PRKD3: variants seen among roughly 807,000 people sequenced by gnomAD.
PRKD3 encodes serine/threonine-protein kinase D3.
A neutral mutation model predicts 99.2 loss-of-function variants in PRKD3; 47 were observed. The observed-to-expected ratio is 0.47, with a 90% CI of 0.38 to 0.60. The LOEUF (loss-of-function observed/expected upper bound fraction) is 0.60. Among genes scored for constraint, PRKD3 ranks in the 20% least tolerant of loss-of-function variants. The pLI, the probability that PRKD3 is intolerant of heterozygous loss-of-function variation, is 0.00. For synonymous variants in PRKD3, 392 were observed against 355.4 expected (o/e 1.10, Z -1.16); for missense variants, 1,019 against 1,088.4 (o/e 0.94, Z 0.90).
intron 5 of PRKD3, among the ~76,000 whole-genome samples, chr2:37,287,005 CG>C (rs1383738883): frequency 6.6e-6 from 1 of 151,550 alleles, no homozygotes; most frequent in Admixed American, 6.6e-5. Flanking sequence ...CCGAGGTGGG[CG>C]GATCACCTGA....
intron 7 of PRKD3, 45 bp downstream of exon 7, chr2:37,282,497 T>C (rs757970067): frequency 1.1e-4 from 131 of 1,194,288 alleles, no homozygotes; most frequent in Middle Eastern, 1.9e-4. Context: ...CAAAGAATCA[T>C]GGCCTTTTCT....
chr2:37,269,507 A>C, intron 13 of PRKD3, 108 bp downstream of exon 13: 1 of 923,148 alleles, frequency 1.1e-6, no homozygotes, highest in Non-Finnish European at 1.7e-6. Context: ...GCCTTTAAAA[A>C]AAAGGCACTG....
chr2:37,278,413 CA>C (rs1669678267), intron 8 of PRKD3: 1 of 152,318 alleles, frequency 6.6e-6, no homozygotes, highest in Non-Finnish European at 1.5e-5. Flanking sequence ...TCACATGGCT[CA>C]AATATCAAAT....
At chr2:37,297,437 G>T (rs1236408203) in intron 2 of PRKD3, among the ~76,000 whole-genome samples, 1 of 151,952 alleles carries the variant, frequency 6.6e-6, no homozygotes, top group Non-Finnish European at 1.5e-5. Flanking sequence ...TATTAACATT[G>T]TACATTAGTT....
Position 37,253,043 on chromosome 2 carries a change from T to C in PRKD3, c.*134A>G. ...ACCTACTCATTATGAACTACAGTAC[T>C]GGTGTCACTTATTCGTTATCATATT... On this transcript the variant is annotated 3_prime_UTR_variant, in exon 19 of 19. Coordinates refer to ENST00000234179, the MANE Select transcript of PRKD3 (RefSeq NM_005813.6). The C allele has an allele frequency of 1.1e-6, 1 of 874,044 alleles. No individual in the cohort carries two copies. The highest frequency in any genetic ancestry group is 2.2e-5 in the South Asian group (1 of 45,238). The allele number at this position is 874,044 out of a possible 1,614,324, so 54.1% of individuals were successfully genotyped here.
At chr2:37,266,233 TTTAA>T (rs1668828299) in intron 14 of PRKD3, among the ~76,000 whole-genome samples, 1 of 152,236 alleles carries the variant, frequency 6.6e-6, no homozygotes, top group Non-Finnish European at 1.5e-5. Context: ...AAATGAATCA[TTTAA>T]GTTTCTTACC....
At chr2:37,323,053 T>C (rs11689794) in intron 1 of PRKD3, among the ~76,000 whole-genome samples, 48,373 of 150,952 alleles carry the variant, frequency 0.32, 8,652 homozygotes, top group East Asian at 0.43. Flanking sequence ...GTATGTGGTG[T>C]TTTCAATTCG....
chr2:37,313,236 T>C (rs893701253), intron 2 of PRKD3, among the ~76,000 whole-genome samples: 2 of 151,964 alleles, frequency 1.3e-5, no homozygotes, highest in African/African-American at 2.4e-5. Context: ...ATATAAAGGA[T>C]TGAGCACCCT....
Position 37,310,580 on chromosome 2 carries a change from CATG to C in PRKD3, c.288+5654_288+5656del, listed in dbSNP as rs1034164453. Among the ~76,000 whole-genome samples, 14 of 152,210 alleles carry C rather than the reference CATG, an allele frequency of 9.2e-5. No homozygotes were observed. The East Asian group carries it at 1.9e-3, about 21-fold the overall frequency. ...ATATTCACTGAGCACCTACTGTGGC[CATG>C]ATATCTGGCATCATAAAGCTTAGTT... On this transcript the variant is annotated intron_variant, in intron 2 of 18. Transcript: ENST00000234179.
At chr2:37,286,484 A>G in intron 5 of PRKD3, 115 bp from the exon 6 acceptor site, 1 of 856,940 alleles carries the variant, frequency 1.2e-6, no homozygotes, top group Non-Finnish European at 1.7e-6. Context: ...AAACTCTAAA[A>G]ATGTTGTTCT....
intron 9 of PRKD3, among the ~76,000 whole-genome samples, chr2:37,276,121 CAT>C (rs1038224352): frequency 3.3e-5 from 5 of 151,632 alleles, no homozygotes; most frequent in Non-Finnish European, 7.4e-5. Flanking sequence ...CACATGAATA[CAT>C]ATATATATAT....
intron 2 of PRKD3, among the ~76,000 whole-genome samples, chr2:37,313,666 T>C (rs544285480): frequency 6.6e-6 from 1 of 152,306 alleles, no homozygotes; most frequent in South Asian, 2.1e-4. Context: ...CAAACACTAA[T>C]TTTTTATAAA....
chr2:37,289,278 T>G, intron 5 of PRKD3, 78 bp downstream of exon 5: 1 of 1,471,190 alleles, frequency 6.8e-7, no homozygotes, highest in Non-Finnish European at 9.3e-7. Context: ...TAAATTATGT[T>G]CTAGAGTGAT....
chr2:37,263,164 T>A (rs557593469), intron 14 of PRKD3, among the ~76,000 whole-genome samples: 122 of 152,314 alleles, frequency 8.0e-4, no homozygotes, highest in Non-Finnish European at 1.4e-3. Context: ...GCTTAATATT[T>A]GAGGTTATAA....
At chr2:37,321,227 T>C (rs1174997540) in intron 1 of PRKD3, among the ~76,000 whole-genome samples, 2 of 152,234 alleles carry the variant, frequency 1.3e-5, no homozygotes, top group Non-Finnish European at 2.9e-5. Context: ...CAAGCATTTC[T>C]AATATGTTTA....
intron 2 of PRKD3, among the ~76,000 whole-genome samples, chr2:37,314,616 T>C (rs3770757): frequency 0.21 from 31,812 of 152,024 alleles, 4,228 homozygotes; most frequent in East Asian, 0.55. Context: ...ATATACAATT[T>C]TTTCTCAATT....
At chr2:37,322,523 G>C (rs1671930157) in intron 1 of PRKD3, among the ~76,000 whole-genome samples, 1 of 152,216 alleles carries the variant, frequency 6.6e-6, no homozygotes, top group Non-Finnish European at 1.5e-5. Flanking sequence ...CCAGTAATAA[G>C]ATTATGGACT....
At chr2:37,265,441 TATGA>T (rs1466897416) in intron 14 of PRKD3, among the ~76,000 whole-genome samples, 1 of 152,190 alleles carries the variant, frequency 6.6e-6, no homozygotes, top group Admixed American at 6.6e-5. Context: ...CAATATTCTA[TATGA>T]ATAATATTCA....
In PRKD3 at chr2:37,298,548, A is replaced by C. The variant is rs143140218; in HGVS notation, c.289-5277T>G. Among the ~76,000 whole-genome samples, 819 of 152,246 alleles carry C rather than the reference A, an allele frequency of 5.4e-3. 8 individuals are homozygous for C. Among genetic ancestry groups the C allele is most frequent in the African/African-American group, 0.019 (775 of 41,540 alleles). Reference sequence around the variant, plus strand: ...TTGCCTACTTCATAAAATTATCATGAGAATACGTTAATATATATATACAAA... The same window carrying C: ...TTGCCTACTTCATAAAATTATCATGCGAATACGTTAATATATATATACAAA... On this transcript the variant is annotated intron_variant, in intron 2 of 18. Coordinates refer to ENST00000234179, the MANE Select transcript of PRKD3 (RefSeq NM_005813.6).
Sources: gnomAD v4.1 joint callset for allele counts (sites outside exome capture counted in the v4.1 genomes callset) on GRCh38, gnomAD v4.1.1 for gene constraint, MANE v1.5 for transcripts, NCBI Gene and HGNC (gene_info 2026-07-23, HGNC 2026-07-21) for gene names.